The following TMCC1 variants were observed in gnomAD, a reference collection of about 807,000 sequenced individuals.
TMCC1 encodes the protein transmembrane and coiled-coil domain family 1, also known as transmembrane and coiled-coil domains protein 1.
A neutral mutation model predicts 52.4 loss-of-function variants in TMCC1; 15 were observed. The observed-to-expected ratio is 0.29, with a 90% CI of 0.19 to 0.44. The LOEUF (loss-of-function observed/expected upper bound fraction) is 0.44. TMCC1 is among the 20% of genes least tolerant of loss of function. The probability of loss-of-function intolerance (pLI) is 1.00; values close to 1 mark genes in which losing one functional copy is unlikely to be tolerated. For synonymous variants in TMCC1, 279 were observed against 301.9 expected, an observed-to-expected ratio of 0.92 and a Z score of 0.79; for missense variants, 503 against 806.0, an observed-to-expected ratio of 0.62 and a Z score of 4.55.
intron 4 of TMCC1, among the ~76,000 whole-genome samples, chr3:129,748,589 T>G (rs1434443637): frequency 1.3e-5 from 2 of 151,898 alleles, no homozygotes; most frequent in Non-Finnish European, 2.9e-5. Flanking sequence ...CGCTTGGCCT[T>G]GTTGTTTTTT....
intron 2 of TMCC1, among the ~76,000 whole-genome samples, chr3:129,876,822 T>C (rs1462429098): frequency 6.6e-6 from 1 of 151,748 alleles, no homozygotes; most frequent in Non-Finnish European, 1.5e-5. Context: ...CCAAGCATGG[T>C]GGCAGGCGCC....
chr3:129,890,727 C>T (rs2061929208), intron 1 of TMCC1, among the ~76,000 whole-genome samples: 1 of 152,224 alleles, frequency 6.6e-6, no homozygotes, highest in South Asian at 2.1e-4. Flanking sequence ...CTCTGTGGCT[C>T]TCAGCCTTTC....
intron 2 of TMCC1, among the ~76,000 whole-genome samples, chr3:129,854,908 G>A (rs1051647267): frequency 4.6e-5 from 7 of 152,196 alleles, no homozygotes; most frequent in African/African-American, 1.4e-4. Flanking sequence ...TATCACATCA[G>A]TTTTTGCCCC....
chr3:129,662,687 C>T (rs1437205610), intron 5 of TMCC1, among the ~76,000 whole-genome samples: 1 of 152,144 alleles, frequency 6.6e-6, no homozygotes, highest in Non-Finnish European at 1.5e-5. Flanking sequence ...AAACAACTGT[C>T]TTATATGTTG....
chr3:129,708,374 T>A (rs940247512), intron 4 of TMCC1, among the ~76,000 whole-genome samples: 3 of 152,250 alleles, frequency 2.0e-5, no homozygotes, highest in Non-Finnish European at 2.9e-5. Flanking sequence ...TTTGTCTGAT[T>A]TAGATTAAAA....
At chr3:129,811,022 T>C (rs1183003550) in intron 4 of TMCC1, among the ~76,000 whole-genome samples, 1 of 152,238 alleles carries the variant, frequency 6.6e-6, no homozygotes, top group Non-Finnish European at 1.5e-5. Flanking sequence ...GCACAGCTGC[T>C]TAACATATGA....
At chr3:129,780,870 T>C (rs1321021498) in intron 4 of TMCC1, among the ~76,000 whole-genome samples, 1 of 152,166 alleles carries the variant, frequency 6.6e-6, no homozygotes, top group Non-Finnish European at 1.5e-5. Flanking sequence ...CAGTATTCTC[T>C]TGCATTGTCC....
At chr3:129,776,658 C>T (rs1261569676) in intron 4 of TMCC1, among the ~76,000 whole-genome samples, 3 of 152,170 alleles carry the variant, frequency 2.0e-5, no homozygotes, top group Non-Finnish European at 4.4e-5. Context: ...GGCAGGGTCT[C>T]GCTCTATCAC....
intron 2 of TMCC1, among the ~76,000 whole-genome samples, chr3:129,846,544 AT>A (rs2059673393): frequency 6.6e-6 from 1 of 152,132 alleles, no homozygotes. Flanking sequence ...AAGGAGCAAC[AT>A]TTTTCCAACC....
At chr3:129,830,508 G>A (rs866274615) in intron 3 of TMCC1, among the ~76,000 whole-genome samples, 3 of 152,144 alleles carry the variant, frequency 2.0e-5, no homozygotes, top group Non-Finnish European at 4.4e-5. Context: ...TCCCCTATCA[G>A]TGTGTATCAA....
intron 4 of TMCC1, among the ~76,000 whole-genome samples, chr3:129,724,000 A>AGAG (rs534384793): frequency 1.3e-5 from 2 of 150,646 alleles, no homozygotes; most frequent in African/African-American, 2.4e-5. Context: ...TGCTTGTGAG[A>AGAG]GAGGAGGAGG....
chr3:129,881,509 AC>A (rs139817764), intron 1 of TMCC1, among the ~76,000 whole-genome samples: 2,115 of 152,318 alleles, frequency 0.014, 15 homozygotes, highest in South Asian at 0.025. Flanking sequence ...TATAAAAAAA[AC>A]ATATGTAGGT....
chr3:129,683,539 C>T (rs182840488), intron 4 of TMCC1, among the ~76,000 whole-genome samples: 158 of 152,068 alleles, frequency 1.0e-3, no homozygotes, highest in African/African-American at 3.4e-3. Context: ...TACCTGTAAC[C>T]GAATAAAAAT....
chr3:129,829,789 A>G (rs1025554067), intron 3 of TMCC1, among the ~76,000 whole-genome samples: 1 of 152,314 alleles, frequency 6.6e-6, no homozygotes, highest in East Asian at 1.9e-4. Flanking sequence ...AGCTGAATAA[A>G]AGAGTTCCCT....
chr3:129,747,942 G>A (rs1466352751), intron 4 of TMCC1, among the ~76,000 whole-genome samples: 1 of 152,008 alleles, frequency 6.6e-6, no homozygotes, highest in Non-Finnish European at 1.5e-5. Flanking sequence ...ATACAATCCA[G>A]GAAACTCCTT....
Position 129,670,532 on chromosome 3 carries a change from T to C in TMCC1, c.1309A>G (p.Thr437Ala), listed in dbSNP as rs1005266356. 6.2e-7 allele frequency: 1 copy of C among 1,614,212 alleles called. No homozygotes were observed. Among genetic ancestry groups the C allele is most frequent in the East Asian group, 2.2e-5 (1 of 44,876 alleles). The change falls in exon 5 of 7, where the codon ACA becomes GCA. Residue 437 changes from threonine (T) to alanine (A), a missense_variant. Thr to Ala is a moderately conservative substitution (Grantham distance 58). Coordinates refer to ENST00000393238, the MANE Select transcript of TMCC1 (RefSeq NM_001017395.5). ...GATGCTCCTACAGCGATGCCCCCTG[T>C]GGTGCTGTTGGCTCCCACTGAGCCT... is the stretch of plus-strand genomic sequence containing the variant. ...TSGSVGANST[T>A]GGIAVGASSS...
chr3:129,767,971 A>G (rs1478541764), intron 4 of TMCC1, among the ~76,000 whole-genome samples: 2 of 152,212 alleles, frequency 1.3e-5, no homozygotes, highest in Non-Finnish European at 2.9e-5. Flanking sequence ...CCAGAGGATC[A>G]CCTGAGCCCA....
chr3:129,792,497 C>T (rs779122916), intron 4 of TMCC1, among the ~76,000 whole-genome samples: 18 of 152,034 alleles, frequency 1.2e-4, no homozygotes, highest in Non-Finnish European at 1.8e-4. Flanking sequence ...ACCACAGGCA[C>T]GCACCACCAT....
intron 4 of TMCC1, among the ~76,000 whole-genome samples, chr3:129,800,286 A>C (rs1053203836): frequency 6.6e-6 from 1 of 152,206 alleles, no homozygotes; most frequent in African/African-American, 2.4e-5. Flanking sequence ...TAAATCTGCT[A>C]TAAAATTATC....
Sources: gnomAD v4.1 joint callset for allele counts (sites outside exome capture counted in the v4.1 genomes callset) on GRCh38, gnomAD v4.1.1 for gene constraint, MANE v1.5 for transcripts, NCBI Gene and HGNC (gene_info 2026-07-23, HGNC 2026-07-21) for gene names.